OTOGL: variants seen among roughly 807,000 people sequenced by gnomAD.
OTOGL encodes the protein otogelin-like protein.
A neutral mutation model predicts 318.5 loss-of-function variants in OTOGL; 285 were observed. The ratio of observed to expected loss-of-function variants is 0.89; its 90% CI spans 0.81 to 0.99. The LOEUF is 0.99. OTOGL is among the 50% of genes least tolerant of loss of function. OTOGL has a pLI of 0.00. For missense variants in OTOGL, 2,899 were observed against 2,845.6 expected (o/e 1.02, Z -0.43); for synonymous variants, 987 against 936.5 (o/e 1.05, Z -0.99).
intron 22 of OTOGL, among the ~76,000 whole-genome samples, chr12:80,269,520 C>A (rs1883244682): frequency 6.6e-6 from 1 of 152,130 alleles, no homozygotes; most frequent in South Asian, 2.1e-4. Context: ...CTAGCCTCTG[C>A]CTCTTTTGGC....
At position 80,356,445 on chromosome 12, in the gene OTOGL, A is replaced by G; in HGVS notation, c.5836A>G (p.Ile1946Val). 2 of 1,611,944 alleles carry G rather than the reference A, an allele frequency of 1.2e-6. 1 individual carries two copies. The highest frequency in any genetic ancestry group is 1.7e-6 in the Non-Finnish European group (2 of 1,179,020). ...GCDTTLCETSIPTCTNSQKLI... is the reference protein window; with the variant it reads ...GCDTTLCETSVPTCTNSQKLI... Reference sequence around the variant, plus strand: ...TGACACGACTTTGTGTGAAACTAGCATTCCAACATGTACAAATAGTCAAAA... The same window carrying G: ...TGACACGACTTTGTGTGAAACTAGCGTTCCAACATGTACAAATAGTCAAAA... Residue 1946 changes from isoleucine to valine, a missense_variant, in exon 48 of 59, where the codon ATT (isoleucine) becomes GTT (valine). Around this residue, in one of 3 missense-constraint regions of OTOGL, gnomAD observed 2,607 missense variants for 2,524.9 expected, o/e 1.03. Transcript: ENST00000547103.
At chr12:80,325,655 G>A (rs534426775) in intron 35 of OTOGL, among the ~76,000 whole-genome samples, 1 of 152,196 alleles carries the variant, frequency 6.6e-6, no homozygotes, top group Non-Finnish European at 1.5e-5. Context: ...CTGAAAAGAA[G>A]TCTTCATTCA....
At chr12:80,277,196 A>C (rs1883873756) in intron 24 of OTOGL, among the ~76,000 whole-genome samples, 1 of 147,052 alleles carries the variant, frequency 6.8e-6, no homozygotes, top group Non-Finnish European at 1.5e-5. Context: ...CTAATTTTCA[A>C]ATTTAATGTT....
chr12:80,331,895 A>T (rs1592717678), intron 37 of OTOGL, among the ~76,000 whole-genome samples: 1 of 152,262 alleles, frequency 6.6e-6, no homozygotes, highest in East Asian at 1.9e-4. Context: ...AGGGAAGGTG[A>T]TGTGACAATA....
In OTOGL at chr12:80,254,893, A is replaced by G. The variant is rs76022205; in HGVS notation, c.1442-147A>G. ...AACCAGTAAATTTTAAATACAACAC[A>G]GTAGATTTTCAAAGTTTTGATGCAT... On this transcript the variant is annotated intron_variant, in intron 15 of 58. Coordinates refer to ENST00000547103, the MANE Select transcript of OTOGL (RefSeq NM_001378609.3). The G allele has an allele frequency of 0.015, 9,675 of 637,304 alleles. 746 individuals are homozygous for G. The African/African-American group carries it at 0.16, about 11-fold the overall frequency. The allele number at this position is 637,304 out of a possible 1,614,324, so 39.5% of individuals were successfully genotyped here. A position where few individuals can be genotyped will look rare whatever the true frequency, so the allele number is the denominator to read the frequency against.
intron 4 of OTOGL, 112 bp downstream of exon 4, chr12:80,212,109 C>A (rs1877306571): frequency 3.6e-6 from 4 of 1,120,474 alleles, no homozygotes; most frequent in Admixed American, 2.3e-5. Flanking sequence ...ATGCTAAGAA[C>A]AAGACAGGAA....
chr12:80,278,324 A>C, intron 25 of OTOGL, 49 bp downstream of exon 25: 1 of 1,334,330 alleles, frequency 7.5e-7, no homozygotes, highest in Non-Finnish European at 1.0e-6. Flanking sequence ...TAATTGTGTA[A>C]ATTTCAATCA....
chr12:80,277,274 T>C (rs1254422021), intron 24 of OTOGL, among the ~76,000 whole-genome samples: 1 of 146,964 alleles, frequency 6.8e-6, no homozygotes, highest in African/African-American at 2.5e-5. Context: ...ATTATTATTT[T>C]GTTAACACTT....
intron 29 of OTOGL, among the ~76,000 whole-genome samples, chr12:80,308,330 CGGGGCG>C (rs2137774074): frequency 6.7e-6 from 1 of 149,956 alleles, no homozygotes; most frequent in South Asian, 2.1e-4. Context: ...ACTTCTCAGA[CGGGGCG>C]TCCGGGCAGA....
At chr12:80,351,737 T>G (rs1320748912) in intron 44 of OTOGL, among the ~76,000 whole-genome samples, 1 of 152,134 alleles carries the variant, frequency 6.6e-6, no homozygotes, top group Non-Finnish European at 1.5e-5. Context: ...ATGGAATAAA[T>G]ATTGTCACAT....
At chr12:80,213,889 C>T (rs919349152) in intron 4 of OTOGL, among the ~76,000 whole-genome samples, 1 of 152,224 alleles carries the variant, frequency 6.6e-6, no homozygotes, top group African/African-American at 2.4e-5. Context: ...ATTCACTCTT[C>T]TGCTCTAGGA....
At chr12:80,101,985 T>C (rs1869165974) in intron 1 of OTOGL, among the ~76,000 whole-genome samples, 2 of 152,142 alleles carry the variant, frequency 1.3e-5, no homozygotes, top group Non-Finnish European at 2.9e-5. Context: ...CAAGAAATGT[T>C]CTTAATTCTG....
chr12:80,344,930 G>T (rs1241185772), intron 44 of OTOGL, among the ~76,000 whole-genome samples: 1 of 147,804 alleles, frequency 6.8e-6, no homozygotes, highest in Non-Finnish European at 1.5e-5. Context: ...AAGTTAATTT[G>T]CCATTTTATC....
chr12:80,307,101 T>A (rs1464532378), intron 29 of OTOGL, among the ~76,000 whole-genome samples: 1 of 150,534 alleles, frequency 6.6e-6, no homozygotes, highest in Non-Finnish European at 1.5e-5. Context: ...ACAGCACATG[T>A]TTCAGAGAGC....
chr12:80,134,596 T>G (rs777687612), intron 1 of OTOGL, among the ~76,000 whole-genome samples: 10 of 152,186 alleles, frequency 6.6e-5, no homozygotes, highest in Non-Finnish European at 8.8e-5. Context: ...CCACTACTCA[T>G]GAAACTCTCA....
At chr12:80,276,275 G>A (rs1883799091) in intron 24 of OTOGL, among the ~76,000 whole-genome samples, 1 of 151,786 alleles carries the variant, frequency 6.6e-6, no homozygotes, top group East Asian at 1.9e-4. Context: ...GGAATGGGGG[G>A]TACTAAAATA....
intron 1 of OTOGL, among the ~76,000 whole-genome samples, chr12:80,186,941 G>A (rs915433127): frequency 6.6e-6 from 1 of 152,118 alleles, no homozygotes; most frequent in Non-Finnish European, 1.5e-5. Flanking sequence ...AAACAAGGCA[G>A]GGTGAAATGA....
chr12:80,331,129 C>A (rs1481806864), intron 37 of OTOGL, among the ~76,000 whole-genome samples: 1 of 152,034 alleles, frequency 6.6e-6, no homozygotes, highest in African/African-American at 2.4e-5. Context: ...TATGGAAGTA[C>A]AAGGAACCTA....
intron 9 of OTOGL, among the ~76,000 whole-genome samples, chr12:80,236,670 T>A (rs962275535): frequency 6.6e-6 from 1 of 152,198 alleles, no homozygotes; most frequent in African/African-American, 2.4e-5. Context: ...TTTCCATTTT[T>A]AAAAAGTATA....
Sources: allele counts gnomAD v4.1 joint callset (sites outside exome capture counted in the v4.1 genomes callset), GRCh38; gene constraint gnomAD v4.1.1; regional missense constraint gnomAD v4.1.1; transcripts MANE v1.5; gene names NCBI Gene and HGNC (gene_info 2026-07-23, HGNC 2026-07-21).